The following MCHR2 variants were observed in gnomAD, a reference collection of about 807,000 sequenced individuals.
MCHR2 encodes the protein melanin-concentrating hormone receptor 2.
Under a neutral mutation model 24.8 loss-of-function variants are expected in MCHR2, and 15 were observed. The ratio of observed to expected loss-of-function variants is 0.60; its 90% CI spans 0.40 to 0.93. The LOEUF is 0.93. Among genes scored for constraint, MCHR2 ranks in the 40% least tolerant of loss-of-function variants. MCHR2 has a pLI of 0.00. For synonymous variants in MCHR2, 151 were observed against 147.6 expected, an observed-to-expected ratio of 1.02 and a Z score of -0.17; for missense variants, 386 against 408.7, an observed-to-expected ratio of 0.94 and a Z score of 0.48.
intron 1 of MCHR2, among the ~76,000 whole-genome samples, chr6:99,992,384 C>G (rs1775899946): frequency 6.6e-6 from 1 of 152,210 alleles, no homozygotes; most frequent in Non-Finnish European, 1.5e-5. Context: ...TAGCCCACAA[C>G]TTGGGTTAAA....
intron 1 of MCHR2, among the ~76,000 whole-genome samples, chr6:99,972,576 AT>A (rs1290472774): frequency 1.3e-5 from 2 of 151,904 alleles, no homozygotes; most frequent in African/African-American, 2.4e-5. Flanking sequence ...TTCTGCTCTG[AT>A]TTTAGTAATT....
intron 5 of MCHR2, among the ~76,000 whole-genome samples, chr6:99,922,798 G>A (rs1219279768): frequency 1.3e-5 from 2 of 152,112 alleles, no homozygotes; most frequent in African/African-American, 4.8e-5. Context: ...CCATAGATCT[G>A]TAGTATTATT....
chr6:99,938,799 C>T (rs1414192226), intron 4 of MCHR2, among the ~76,000 whole-genome samples: 1 of 152,038 alleles, frequency 6.6e-6, no homozygotes, highest in East Asian at 1.9e-4. Flanking sequence ...AAATCTCTTA[C>T]TATTATTGCA....
At chr6:99,958,289 A>AGG (rs1775107260) in intron 1 of MCHR2, among the ~76,000 whole-genome samples, 2 of 151,878 alleles carry the variant, frequency 1.3e-5, no homozygotes, top group Admixed American at 1.3e-4. Flanking sequence ...CTAAATGGAA[A>AGG]AACCAATCTC....
chr6:99,955,407 T>C (rs1186099776), intron 2 of MCHR2, among the ~76,000 whole-genome samples: 2 of 152,160 alleles, frequency 1.3e-5, no homozygotes, highest in African/African-American at 2.4e-5. Context: ...GTTTGGTTTA[T>C]ATAGGCTGGT....
At chr6:99,936,689 T>C (rs937002397) in intron 4 of MCHR2, among the ~76,000 whole-genome samples, 2 of 152,034 alleles carry the variant, frequency 1.3e-5, no homozygotes, top group African/African-American at 4.8e-5. Flanking sequence ...TGTGGTTCCA[T>C]ATAAATTTTA....
Position 99,964,937 on chromosome 6 carries a change from A to C in MCHR2, c.-27-8763T>G, listed in dbSNP as rs544657272. On this transcript the variant is annotated intron_variant, in intron 1 of 5. Transcript: ENST00000281806. Reference sequence around the variant, plus strand: ...TTTATAGAATTAAAAAACAAGGCAAAACGAATCTATATTACTAGGGCTACA... The same window carrying C: ...TTTATAGAATTAAAAAACAAGGCAACACGAATCTATATTACTAGGGCTACA... 3.9e-5 allele frequency among the ~76,000 whole-genome samples: 6 copies of C among 152,212 alleles called. No individual in the cohort carries two copies. In the South Asian group the frequency reaches 1.2e-3, roughly 32 times the overall value.
intron 1 of MCHR2, among the ~76,000 whole-genome samples, chr6:99,975,240 C>T: frequency 6.6e-6 from 1 of 152,224 alleles, no homozygotes; most frequent in East Asian, 1.9e-4. Flanking sequence ...AGCTTCCAGG[C>T]TGCTTTGTTT....
At chr6:99,952,194 C>T (rs1281707356) in intron 2 of MCHR2, among the ~76,000 whole-genome samples, 1 of 152,104 alleles carries the variant, frequency 6.6e-6, no homozygotes, top group African/African-American at 2.4e-5. Context: ...TTTCTGCCTA[C>T]ATTTTCTAAA....
rs762657037 is a variant in MCHR2 at position 99,947,756 on chromosome 6, A to G, written c.392+6T>C. 1.9e-6 allele frequency: 3 copies of G among 1,611,980 alleles called. 1 individual carries two copies. The South Asian group carries it at 3.3e-5, about 18-fold the overall frequency. ...ATATTAAGATATTTCAAAGTCTTTCACTTACCTGTCCACACTCATTACAGT... is the reference window on the plus strand; with the variant it reads ...ATATTAAGATATTTCAAAGTCTTTCGCTTACCTGTCCACACTCATTACAGT... On this transcript the variant is annotated splice_donor_region_variant and intron_variant, in intron 3 of 5. Coordinates refer to ENST00000281806, the MANE Select transcript of MCHR2 (RefSeq NM_001040179.2).
intron 5 of MCHR2, among the ~76,000 whole-genome samples, chr6:99,932,672 C>G (rs1209515720): frequency 6.6e-6 from 1 of 151,926 alleles, no homozygotes; most frequent in African/African-American, 2.4e-5. Context: ...ATCAGGCGAA[C>G]TCGTATTGGG....
chr6:99,918,972 AAC>A lies in MCHR2; in HGVS notation c.*1966_*1967del, dbSNP rs1346843065. Among the ~76,000 whole-genome samples the A allele has an allele frequency of 8.5e-5, 13 of 152,350 alleles. 1 individual carries two copies. The East Asian group carries it at 2.3e-3, about 27-fold the overall frequency. ...TCATAATATTTTTCTGTATTAAAAAAACAATGAAAGTAAGCAATTGCTCTTCA... is the reference window on the plus strand; with the variant it reads ...TCATAATATTTTTCTGTATTAAAAAAAATGAAAGTAAGCAATTGCTCTTCA... On this transcript the variant is annotated 3_prime_UTR_variant, in exon 6 of 6. Coordinates refer to ENST00000281806, the MANE Select transcript of MCHR2 (RefSeq NM_001040179.2).
intron 1 of MCHR2, among the ~76,000 whole-genome samples, chr6:99,980,283 C>T (rs1339472758): frequency 5.9e-5 from 9 of 152,118 alleles, no homozygotes; most frequent in Admixed American, 2.0e-4. Context: ...AAGAAGGCAA[C>T]GTGCTCCACT....
chr6:99,953,241 A>C (rs1181795493), intron 2 of MCHR2, among the ~76,000 whole-genome samples: 1 of 152,148 alleles, frequency 6.6e-6, no homozygotes, highest in Non-Finnish European at 1.5e-5. Flanking sequence ...TCCCACACTG[A>C]AGAGGTTTTG....
chr6:99,929,535 A>C (rs941044720), intron 5 of MCHR2, among the ~76,000 whole-genome samples: 7 of 152,110 alleles, frequency 4.6e-5, no homozygotes, highest in African/African-American at 1.4e-4. Flanking sequence ...TATTGGGTGC[A>C]TATATATTTA....
intron 2 of MCHR2, among the ~76,000 whole-genome samples, chr6:99,953,941 T>C (rs1219181569): frequency 6.6e-6 from 1 of 152,092 alleles, no homozygotes; most frequent in Admixed American, 6.6e-5. Context: ...ACTGCAGAGA[T>C]AGCGAAACTG....
chr6:99,939,718 T>TC (rs1025560695), intron 4 of MCHR2, among the ~76,000 whole-genome samples: 6 of 151,562 alleles, frequency 4.0e-5, no homozygotes, highest in Admixed American at 6.6e-5. Flanking sequence ...GTTTTTTTTT[T>TC]TTTCTTTCCA....
chr6:99,986,858 A>G (rs1043814718), intron 1 of MCHR2, among the ~76,000 whole-genome samples: 3 of 150,318 alleles, frequency 2.0e-5, no homozygotes, highest in African/African-American at 7.3e-5. Context: ...TAATATATAT[A>G]CATGTATAAT....
chr6:99,947,719 C>A, intron 3 of MCHR2, 43 bp downstream of exon 3: 2 of 1,576,382 alleles, frequency 1.3e-6, no homozygotes, highest in Admixed American at 1.8e-5. Flanking sequence ...GAAGCACAGG[C>A]ACCTCTGAAT....
Sources: allele counts gnomAD v4.1 joint callset (sites outside exome capture counted in the v4.1 genomes callset), GRCh38; gene constraint gnomAD v4.1.1; transcripts MANE v1.5; gene names NCBI Gene and HGNC (gene_info 2026-07-23, HGNC 2026-07-21).